The following TM4SF19 variants were observed in gnomAD, a reference collection of about 807,000 sequenced individuals.
TM4SF19 encodes transmembrane 4 L six family member 19, also known as transmembrane 4 L6 family member 19.
A neutral mutation model predicts 21.8 loss-of-function variants in TM4SF19; 17 were observed. The ratio of observed to expected loss-of-function variants is 0.78; its 90% CI spans 0.53 to 1.17. TM4SF19 has a LOEUF of 1.17. Among genes scored for constraint, TM4SF19 ranks in the 50% most tolerant of loss-of-function variants. The pLI is 0.00. For missense variants in TM4SF19, 216 were observed against 252.1 expected (o/e 0.86, Z 0.97); for synonymous variants, 107 against 106.7 (o/e 1.00, Z -0.02).
At chr3:196,335,729 C>G (rs1192453805) in intron 1 of TM4SF19, among the ~76,000 whole-genome samples, 4 of 151,984 alleles carry the variant, frequency 2.6e-5, no homozygotes, top group Non-Finnish European at 4.4e-5. Flanking sequence ...CTGTGGAGAA[C>G]GGCCCCCTCA....
chr3:196,327,314 C>G, intron 2 of TM4SF19, 76 bp downstream of exon 2: 2 of 1,415,172 alleles, frequency 1.4e-6, no homozygotes, highest in Non-Finnish European at 2.0e-6. Flanking sequence ...AATCAAAACA[C>G]TCTTCCCATG....
chr3:196,333,522 G>A (rs1727606174), intron 1 of TM4SF19, among the ~76,000 whole-genome samples: 1 of 151,998 alleles, frequency 6.6e-6, no homozygotes, highest in South Asian at 2.1e-4. Context: ...CTAAAACTTT[G>A]GAAAGCAAAG....
intron 1 of TM4SF19, among the ~76,000 whole-genome samples, chr3:196,331,672 A>G (rs1259247742): frequency 6.6e-6 from 1 of 152,022 alleles, no homozygotes; most frequent in African/African-American, 2.4e-5. Flanking sequence ...CTGTAATCCC[A>G]GCTACTCGGA....
At chr3:196,324,483 C>T in intron 3 of TM4SF19, 43 bp from the exon 4 acceptor site, 1 of 1,602,266 alleles carries the variant, frequency 6.2e-7, no homozygotes, top group Non-Finnish European at 8.5e-7. Flanking sequence ...GGGGTCGCAG[C>T]TGGGGAGCCT....
chr3:196,329,194 G>A lies in TM4SF19; in HGVS notation c.-1-1603C>T, dbSNP rs549057179. Among the ~76,000 whole-genome samples, 4 of 126,136 alleles carry A rather than the reference G, an allele frequency of 3.2e-5. 2 individuals are homozygous for A. Among genetic ancestry groups the A allele is most frequent in the Non-Finnish European group, 7.0e-5 (4 of 57,434 alleles). The allele number at this position is 126,136 out of a possible 152,430, so 82.8% of individuals were successfully genotyped here. A position where few individuals can be genotyped will look rare whatever the true frequency, so the allele number is the denominator to read the frequency against. On this transcript the variant is annotated intron_variant, in intron 1 of 4. Transcript: ENST00000273695. ...CCTGACCTCGTGATCCGCCTGTCTC[G>A]GGCTCCCAAAGTGCTGGGATTACAG...
At chr3:196,327,338 C>A in intron 2 of TM4SF19, 52 bp downstream of exon 2, 2 of 1,562,600 alleles carry the variant, frequency 1.3e-6, no homozygotes, top group East Asian at 2.3e-5. Context: ...CCTTCCTGCT[C>A]CCCGCCGGGG....
chr3:196,328,889 C>CA (rs1167141543), intron 1 of TM4SF19, among the ~76,000 whole-genome samples: 1 of 152,088 alleles, frequency 6.6e-6, no homozygotes, highest in Non-Finnish European at 1.5e-5. Flanking sequence ...TAAGGAAACA[C>CA]ATATGGACTA....
Position 196,323,667 on chromosome 3 carries a change from C to G in TM4SF19, c.*150G>C. The G allele has an allele frequency of 6.9e-7, 1 of 1,456,152 alleles. No individual in the cohort carries two copies. Among genetic ancestry groups the G allele is most frequent in the Non-Finnish European group, 9.3e-7 (1 of 1,080,790 alleles). 90.2% of individuals were successfully genotyped at this position (1,456,152 alleles called of 1,614,324 possible). A position where few individuals can be genotyped will look rare whatever the true frequency, so the allele number is the denominator to read the frequency against. ...GTGATTTAAAATGCATTCTATCATT[C>G]CACCGACCTGCAGTGAATTTTGTTG... is the stretch of plus-strand genomic sequence containing the variant. On this transcript the variant is annotated 3_prime_UTR_variant, in exon 5 of 5. Transcript: ENST00000273695.
intron 1 of TM4SF19, among the ~76,000 whole-genome samples, chr3:196,328,759 G>A (rs1244941083): frequency 6.6e-6 from 1 of 152,146 alleles, no homozygotes; most frequent in African/African-American, 2.4e-5. Context: ...ATATGGAAAT[G>A]CAAAGCAATT....
intron 1 of TM4SF19, among the ~76,000 whole-genome samples, chr3:196,330,511 A>G (rs1577408795): frequency 6.6e-6 from 1 of 152,238 alleles, no homozygotes; most frequent in African/African-American, 2.4e-5. Context: ...TTATCCATAC[A>G]AATGAGTTCT....
chr3:196,324,987 G>A (rs951302612), intron 3 of TM4SF19: 3 of 152,456 alleles, frequency 2.0e-5, no homozygotes, highest in Non-Finnish European at 4.4e-5. Flanking sequence ...GGGAAAGAAG[G>A]GAGAGAAACA....
In TM4SF19 at chr3:196,323,826, G is replaced by A. The variant is rs766525886; in HGVS notation, c.621C>T (p.Cys207=). 6.8e-6 allele frequency: 11 copies of A among 1,613,644 alleles called. No individual in the cohort carries two copies. Among genetic ancestry groups the A allele is most frequent in the East Asian group, 6.7e-5 (3 of 44,884 alleles). The change falls in exon 5 of 5, where the codon TGC becomes TGT. Residue 207 remains cysteine (C), a synonymous_variant. Transcript: ENST00000273695. ...NSLLGLFCSL[C]EK is the part of the protein sequence containing the mutation. ...GTGAAGGTTCTGCCTGTCACTTCTCGCAGAGGCTGCAGAAAAGGCCCAGGA... is the reference window on the plus strand; with the variant it reads ...GTGAAGGTTCTGCCTGTCACTTCTCACAGAGGCTGCAGAAAAGGCCCAGGA...
At chr3:196,327,331 T>C in intron 2 of TM4SF19, 59 bp downstream of exon 2, 1 of 1,540,074 alleles carries the variant, frequency 6.5e-7, no homozygotes, top group Non-Finnish European at 8.9e-7. Context: ...CATGCCACCT[T>C]CCTGCTCCCC....
At chr3:196,332,343 G>A (rs1216063589) in intron 1 of TM4SF19, among the ~76,000 whole-genome samples, 1 of 150,802 alleles carries the variant, frequency 6.6e-6, no homozygotes, top group African/African-American at 2.4e-5. Flanking sequence ...GAGCCCGAGA[G>A]GCAGAGGTGG....
chr3:196,334,535 C>G lies in TM4SF19; in HGVS notation c.-2+3729G>C, dbSNP rs931830886. On this transcript the variant is annotated intron_variant, in intron 1 of 4. Transcript: ENST00000273695. ...GTGGCGCGATCTCAGCTCACTGCAA[C>G]CTCCGCCTCCCCGGTTCAAGCGATT... 5.9e-5 allele frequency among the ~76,000 whole-genome samples: 9 copies of G among 152,034 alleles called. No homozygotes were observed. The East Asian group carries it at 1.6e-3, about 26-fold the overall frequency.
chr3:196,336,606 C>T (rs1049881061), intron 1 of TM4SF19, among the ~76,000 whole-genome samples: 24 of 152,368 alleles, frequency 1.6e-4, no homozygotes, highest in African/African-American at 5.5e-4. Flanking sequence ...CTCCTCCTGA[C>T]TTTATTCCCC....
At chr3:196,326,315 C>A (rs141668943) in intron 3 of TM4SF19, among the ~76,000 whole-genome samples, 1 of 152,204 alleles carries the variant, frequency 6.6e-6, no homozygotes, top group East Asian at 1.9e-4. Context: ...CAGTGGGCTT[C>A]CCAACATGTG....
At chr3:196,324,602 T>TG (rs367817072) in intron 3 of TM4SF19, 162 bp from the exon 4 acceptor site, 8 of 675,452 alleles carry the variant, frequency 1.2e-5, no homozygotes, top group Admixed American at 2.9e-5. Flanking sequence ...CGTCCTGTCA[T>TG]GGGGGAGAAT....
intron 3 of TM4SF19, among the ~76,000 whole-genome samples, chr3:196,326,684 C>A (rs1560201669): frequency 6.6e-6 from 1 of 152,068 alleles, no homozygotes; most frequent in East Asian, 1.9e-4. Context: ...CAGTTTCTCA[C>A]ACTGGTACAG....
Sources: gnomAD v4.1 joint callset for allele counts (sites outside exome capture counted in the v4.1 genomes callset) on GRCh38, gnomAD v4.1.1 for gene constraint, MANE v1.5 for transcripts, NCBI Gene and HGNC (gene_info 2026-07-23, HGNC 2026-07-21) for gene names.